Variants in CELF2 observed in about 807,000 individuals in gnomAD.
The protein encoded by CELF2 is CUG triplet repeat RNA-binding protein 2.
CELF2 carries 8 observed loss-of-function variants against 62.6 expected under a neutral mutation model. That is an observed-to-expected ratio of 0.13 (90% CI 0.07 to 0.23). The LOEUF is 0.23. Ranked by LOEUF, CELF2 falls within the 10% of genes least tolerant of loss-of-function variation. The pLI, the probability that CELF2 is intolerant of heterozygous loss-of-function variation, is 1.00. For synonymous variants in CELF2, 258 were observed against 250.0 expected (o/e 1.03, Z -0.30); for missense variants, 333 against 671.0 (o/e 0.50, Z 5.56).
At chr10:10,865,585 G>A (rs2060303674) in intron 1 of CELF2, among the ~76,000 whole-genome samples, 2 of 152,076 alleles carry the variant, frequency 1.3e-5, no homozygotes, top group South Asian at 4.1e-4. Flanking sequence ...TATTAATACA[G>A]TTCATTATAC....
intron 7 of CELF2, among the ~76,000 whole-genome samples, chr10:11,271,856 C>T (rs868443697): frequency 3.9e-5 from 6 of 152,118 alleles, no homozygotes; most frequent in Non-Finnish European, 8.8e-5. Context: ...AAATGATCCT[C>T]CCTATTCCAC....
At chr10:11,193,677 T>C (rs1021894788) in intron 2 of CELF2, among the ~76,000 whole-genome samples, 3 of 152,188 alleles carry the variant, frequency 2.0e-5, no homozygotes, top group African/African-American at 4.8e-5. Context: ...ATAGTACCCA[T>C]TGAGGGGCCA....
At chr10:10,682,169 C>A in the CELF2 span, among the ~76,000 whole-genome samples, 2 of 152,068 alleles carry the variant, frequency 1.3e-5, no homozygotes, top group African/African-American at 4.8e-5. Flanking sequence ...ATCTTATTTG[C>A]GTAGATGTAG....
At chr10:10,782,214 C>T in the CELF2 span, among the ~76,000 whole-genome samples, 1 of 152,190 alleles carries the variant, frequency 6.6e-6, no homozygotes, top group South Asian at 2.1e-4. Flanking sequence ...ATTATAAAGA[C>T]AGAAAAGTCC....
the CELF2 span, among the ~76,000 whole-genome samples, chr10:10,571,627 T>A: frequency 1.1e-4 from 16 of 152,058 alleles, no homozygotes; most frequent in African/African-American, 3.4e-4. Context: ...TTGTTAATAA[T>A]GCAAAAATGA....
chr10:10,867,889 C>G (rs2060486179), intron 1 of CELF2, among the ~76,000 whole-genome samples: 1 of 152,252 alleles, frequency 6.6e-6, no homozygotes, highest in African/African-American at 2.4e-5. Context: ...TTCGTTTCCA[C>G]ATATCTGATA....
chr10:11,301,345 G>A (rs1018544429), intron 9 of CELF2, among the ~76,000 whole-genome samples: 1 of 149,980 alleles, frequency 6.7e-6, no homozygotes, highest in Admixed American at 6.6e-5. Flanking sequence ...CCCCTATGCG[G>A]GCCCTGCTCC....
chr10:11,129,825 C>G (rs2059341415), intron 1 of CELF2, among the ~76,000 whole-genome samples: 1 of 152,312 alleles, frequency 6.6e-6, no homozygotes, highest in East Asian at 1.9e-4. Context: ...AAAAAACCAG[C>G]TCCTGGATTC....
chr10:10,483,213 C>T, the CELF2 span, among the ~76,000 whole-genome samples: 2 of 54,366 alleles, frequency 3.7e-5, no homozygotes, highest in Admixed American at 5.1e-4. Context: ...TGGCAGAATA[C>T]CAAAAAAAAA....
Position 11,336,362 on chromosome 10 carries a change from A to G in CELF2, c.*7309A>G, listed in dbSNP as rs2096118717. ...CTCATGCTTGGGCAAATCACTGGGA[A>G]TATTATCTTCATGTGACCATGAAAC... On this transcript the variant is annotated 3_prime_UTR_variant, in exon 13 of 13. Transcript: ENST00000633077. This position sits in a 1 kb window ranked among gnomAD's most constrained non-coding sequence, Gnocchi z 5.4. 6.6e-6 allele frequency: 1 copy of G among 152,638 alleles called. No homozygotes were observed. Among genetic ancestry groups the G allele is most frequent in the Admixed American group, 6.5e-5 (1 of 15,278 alleles). The allele number at this position is 152,638 out of a possible 1,614,324, so 9.5% of individuals were successfully genotyped here.
intron 1 of CELF2, among the ~76,000 whole-genome samples, chr10:10,894,879 T>TC: frequency 6.6e-6 from 1 of 152,304 alleles, no homozygotes; most frequent in African/African-American, 2.4e-5. Flanking sequence ...CATTTAAAAA[T>TC]CCCAGTGCTG....
chr10:11,308,462 T>C (rs1565907050), intron 9 of CELF2, among the ~76,000 whole-genome samples: 1 of 152,248 alleles, frequency 6.6e-6, no homozygotes, highest in African/African-American at 2.4e-5. Flanking sequence ...TTCCATCCTT[T>C]AGATTGTAAA....
At chr10:10,962,156 C>T (rs976974815) in intron 2 of CELF2, among the ~76,000 whole-genome samples, 22 of 151,740 alleles carry the variant, frequency 1.4e-4, no homozygotes, top group African/African-American at 3.9e-4. Context: ...AGGAGGAAGA[C>T]GAGAAAAGAA....
chr10:10,544,331 G>A, the CELF2 span, among the ~76,000 whole-genome samples: 4 of 152,182 alleles, frequency 2.6e-5, no homozygotes, highest in African/African-American at 7.2e-5. Flanking sequence ...AGAGCCGCTA[G>A]ATTGGAGGAA....
chr10:10,767,174 C>T, the CELF2 span, among the ~76,000 whole-genome samples: 4 of 152,106 alleles, frequency 2.6e-5, no homozygotes, highest in East Asian at 1.9e-4. Context: ...CCAAGTCATT[C>T]GGTTGATCAT....
rs185361163 is a variant in CELF2 at position 11,295,640 on chromosome 10, C to T, written c.976+7088C>T. On this transcript the variant is annotated intron_variant, in intron 9 of 12. Coordinates refer to ENST00000633077, the MANE Select transcript of CELF2 (RefSeq NM_001326342.2). ...AAACCAGAAAGCGAGAGGGTTTAGC[C>T]CTTGGCCCTGCTGCTCGGGCTGCTC... Among the ~76,000 whole-genome samples the T allele has an allele frequency of 1.7e-3, 255 of 152,252 alleles. 3 individuals are homozygous for T. Among genetic ancestry groups the T allele is most frequent in the African/African-American group, 5.9e-3 (245 of 41,542 alleles).
chr10:10,647,475 C>A, the CELF2 span, among the ~76,000 whole-genome samples: 265 of 152,292 alleles, frequency 1.7e-3, no homozygotes, highest in African/African-American at 6.1e-3. Flanking sequence ...CACCAAATTC[C>A]AGAGCCATTG....
intron 1 of CELF2, among the ~76,000 whole-genome samples, chr10:10,861,509 A>G (rs1239036196): frequency 6.6e-6 from 1 of 152,178 alleles, no homozygotes; most frequent in Non-Finnish European, 1.5e-5. Context: ...GTGAAAATAT[A>G]TTTACATGGT....
Position 10,817,987 on chromosome 10 carries a change from G to A in CELF2, c.53+19170G>A, listed in dbSNP as rs143527015. Among the ~76,000 whole-genome samples the A allele has an allele frequency of 6.6e-3, 1,006 of 152,142 alleles. 13 individuals are homozygous for A. The highest frequency in any genetic ancestry group is 0.014 in the Middle Eastern group (4 of 294). On this transcript the variant is annotated intron_variant, in intron 1 of 13. Coordinates refer to the CELF2 transcript ENST00000636488. ...TAAGTATTGAATCTCTGAGGTAGCC[G>A]ACCTTACAAAGCACCTAGCACATGG...
Sources: gnomAD v4.1 joint callset for allele counts (sites outside exome capture counted in the v4.1 genomes callset) on GRCh38, gnomAD v4.1.1 for gene constraint, Gnocchi (gnomAD v3.1) non-coding constraint, MANE v1.5 for transcripts, NCBI Gene and HGNC (gene_info 2026-07-23, HGNC 2026-07-21) for gene names.